Variants in SPC25 observed in about 807,000 individuals in gnomAD.
SPC25 encodes kinetochore protein Spc25.
In SPC25, 22 loss-of-function variants were observed where a neutral mutation model predicts 29.6. The observed-to-expected ratio is 0.74, with a 90% CI of 0.53 to 1.06. The LOEUF is 1.06. Ranked by LOEUF, SPC25 falls within the 50% of genes least tolerant of loss-of-function variation. The pLI, the probability that SPC25 is intolerant of heterozygous loss-of-function variation, is 0.00. For missense variants in SPC25, 230 were observed against 255.8 expected (o/e 0.90, Z 0.69); for synonymous variants, 91 against 90.4 (o/e 1.01, Z -0.04).
chr2:168,889,997 T>C (rs2105841369), intron 1 of SPC25, among the ~76,000 whole-genome samples: 1 of 152,194 alleles, frequency 6.6e-6, no homozygotes, highest in Non-Finnish European at 1.5e-5. Context: ...GGTGGGAGTT[T>C]AGTAGGTTCC....
At chr2:168,872,983 C>T (rs1180417614) in intron 6 of SPC25, among the ~76,000 whole-genome samples, 1 of 152,092 alleles carries the variant, frequency 6.6e-6, no homozygotes, top group East Asian at 1.9e-4. Context: ...ATTACTTGTA[C>T]AGGGGCATTA....
At chr2:168,881,341 A>G (rs524586) in intron 3 of SPC25, among the ~76,000 whole-genome samples, 86,642 of 152,064 alleles carry the variant, frequency 0.57, 25,238 homozygotes, top group African/African-American at 0.69. Flanking sequence ...AATAAAAACA[A>G]CAATGCCTGT....
At chr2:168,877,418 C>G in intron 3 of SPC25, 34 bp from the exon 4 acceptor site, 9 of 1,611,266 alleles carry the variant, frequency 5.6e-6, no homozygotes, top group Non-Finnish European at 7.6e-6. Flanking sequence ...CTAGAATATG[C>G]TTGGCTCTCT....
At chr2:168,875,419 A>G (rs377672712) in intron 5 of SPC25, among the ~76,000 whole-genome samples, 1 of 152,210 alleles carries the variant, frequency 6.6e-6, no homozygotes, top group Non-Finnish European at 1.5e-5. Flanking sequence ...CTATACATTC[A>G]TACCTATGAT....
At chr2:168,865,083 T>C in intron 4 of SPC25, 5 of 1,142,104 alleles carry the variant, frequency 4.4e-6, no homozygotes, top group South Asian at 1.5e-5. Flanking sequence ...ATGGATGGAG[T>C]TCTACCTGCA....
At position 168,877,222 on chromosome 2, in the gene SPC25, A is replaced by G. The variant is rs776287361; in HGVS notation, c.346+16T>C. The G allele has an allele frequency of 6.8e-6, 11 of 1,611,354 alleles. No homozygotes were observed. In the South Asian group the frequency reaches 8.8e-5, roughly 13 times the overall value. The stretch of plus-strand genomic sequence containing the variant: ...CTTTCCATTTTAGATCAGTATGTTT[A>G]TAAGAGGAAACTTACTTTCCTTCTT... On this transcript the variant is annotated intron_variant, in intron 4 of 6. Coordinates refer to ENST00000282074, the MANE Select transcript of SPC25 (RefSeq NM_020675.4).
intron 4 of SPC25, chr2:168,863,713 A>G: frequency 1.3e-5 from 12 of 917,912 alleles, no homozygotes; most frequent in Non-Finnish European, 1.6e-5. Context: ...GGGATAATGC[A>G]GAGACATTGT....
At chr2:168,879,451 T>C (rs1690138880) in intron 3 of SPC25, among the ~76,000 whole-genome samples, 1 of 152,222 alleles carries the variant, frequency 6.6e-6, no homozygotes, top group Admixed American at 6.5e-5. Flanking sequence ...AGCAACTCCT[T>C]ATCCATTCAA....
intron 3 of SPC25, among the ~76,000 whole-genome samples, chr2:168,881,917 G>T (rs1019770313): frequency 6.6e-6 from 1 of 152,156 alleles, no homozygotes; most frequent in African/African-American, 2.4e-5. Context: ...CTCAGTGCTT[G>T]AACAACATCT....
At chr2:168,867,744 C>A (rs186489429), downstream of SPC25, among the ~76,000 whole-genome samples, 54 of 129,724 alleles carry the variant, frequency 4.2e-4, no homozygotes, top group East Asian at 0.013. Context: ...AGCAAGTCCA[C>A]AATAATAATG....
In SPC25 at chr2:168,862,125, G is replaced by A. The variant is rs1047999384; in HGVS notation, n.419+11460C>T. On this transcript the variant is annotated intron_variant and non_coding_transcript_variant, in intron 4 of 4. Coordinates refer to the SPC25 transcript ENST00000479309. ...AGCATGAATAAAACCCTGTCTTAGT[G>A]TGGCAGCCTTAAGAGTTACTACCAT... 51 of 1,335,122 alleles carry A rather than the reference G, an allele frequency of 3.8e-5. No homozygotes were observed. The Admixed American group carries it at 4.6e-4, about 12-fold the overall frequency. 82.7% of individuals were successfully genotyped at this position (1,335,122 alleles called of 1,614,324 possible).
chr2:168,877,361 T>C lies in SPC25; in HGVS notation c.223A>G (p.Ile75Val). The C allele has an allele frequency of 6.2e-7, 1 of 1,613,768 alleles. No individual in the cohort carries two copies. The highest frequency in any genetic ancestry group is 8.5e-7 in the Non-Finnish European group (1 of 1,179,830). ...QNQISRQNKLIQEKKDNLLKL... is the reference protein window; with the variant it reads ...QNQISRQNKLVQEKKDNLLKL... ...AACAAGTTATCCTTTTTTTCTTGAA[T>C]GAGCTTATTTTGCCTGCTGATCTCT... Residue 75 changes from isoleucine to valine, a missense_variant, in exon 4 of 7, where the codon ATT (isoleucine) becomes GTT (valine). Ile to Val is a conservative substitution (Grantham distance 29). Coordinates refer to ENST00000282074, the MANE Select transcript of SPC25 (RefSeq NM_020675.4).
chr2:168,874,287 AAT>A (rs1690048100), intron 5 of SPC25, among the ~76,000 whole-genome samples: 1 of 152,204 alleles, frequency 6.6e-6, no homozygotes, highest in South Asian at 2.1e-4. Flanking sequence ...AGAAATGTAA[AAT>A]GGTACAGCCA....
At chr2:168,880,358 C>G (rs1055292564) in intron 3 of SPC25, among the ~76,000 whole-genome samples, 1 of 152,230 alleles carries the variant, frequency 6.6e-6, no homozygotes, top group African/African-American at 2.4e-5. Flanking sequence ...GAGGCAGCTG[C>G]TTTCCTTAAA....
chr2:168,862,702 G>A (rs188555437), intron 4 of SPC25, among the ~76,000 whole-genome samples: 8 of 152,204 alleles, frequency 5.3e-5, no homozygotes, highest in Admixed American at 2.0e-4. Flanking sequence ...ATTACGTAGT[G>A]GCTTTATAAT....
chr2:168,867,385 A>G (rs1689884943), downstream of SPC25, among the ~76,000 whole-genome samples: 2 of 152,214 alleles, frequency 1.3e-5, no homozygotes, highest in African/African-American at 4.8e-5. Context: ...ACACATGACA[A>G]TATTAACTTT....
At chr2:168,862,858 G>C (rs1689553290) in intron 4 of SPC25, among the ~76,000 whole-genome samples, 2 of 152,296 alleles carry the variant, frequency 1.3e-5, no homozygotes, top group East Asian at 3.9e-4. Context: ...ATGGGAGAAA[G>C]AATATTATCC....
chr2:168,876,600 CT>C (rs34758857), intron 4 of SPC25, among the ~76,000 whole-genome samples: 61 of 142,814 alleles, frequency 4.3e-4, no homozygotes, highest in South Asian at 6.5e-4. Context: ...TTAGTTTTTT[CT>C]TTTTTTTTTT....
At chr2:168,866,572 G>C (rs1689857575), downstream of SPC25, among the ~76,000 whole-genome samples, 1 of 151,742 alleles carries the variant, frequency 6.6e-6, no homozygotes, top group Non-Finnish European at 1.5e-5. Context: ...CATGGGCAAG[G>C]ATTTCATGTC....
Sources: allele counts gnomAD v4.1 joint callset (sites outside exome capture counted in the v4.1 genomes callset), GRCh38; gene constraint gnomAD v4.1.1; transcripts MANE v1.5; gene names NCBI Gene and HGNC (gene_info 2026-07-23, HGNC 2026-07-21).